The following DRICH1 variants were observed in gnomAD, a reference collection of about 807,000 sequenced individuals.
The protein encoded by DRICH1 is aspartate rich 1.
DRICH1 carries 38 observed loss-of-function variants against 39.5 expected under a neutral mutation model. The ratio of observed to expected loss-of-function variants is 0.96; its 90% CI spans 0.74 to 1.26. The LOEUF is 1.26. Among genes scored for constraint, DRICH1 ranks in the 50% most tolerant of loss-of-function variants. DRICH1 has a pLI of 0.00. For missense variants in DRICH1, 279 were observed against 270.4 expected (o/e 1.03, Z -0.22); for synonymous variants, 84 against 99.5 (o/e 0.84, Z 0.93).
intron 4 of DRICH1, among the ~76,000 whole-genome samples, chr22:23,621,732 G>A (rs1231576032): frequency 2.0e-5 from 3 of 152,068 alleles, no homozygotes; most frequent in African/African-American, 4.8e-5. Context: ...TGGCCAAAAT[G>A]GTAAAACACC....
downstream of DRICH1, among the ~76,000 whole-genome samples, chr22:23,606,309 T>C (rs967610766): frequency 3.6e-4 from 55 of 152,090 alleles, no homozygotes; most frequent in African/African-American, 1.3e-3. Context: ...GGCTTCCAGC[T>C]CCAGCTGGGA....
rs1212473766 is a variant in DRICH1, at chr22:23,631,817, T to C, written c.207A>G (p.Thr69=). Reference sequence around the variant, plus strand: ...AAACGGCACCCGTGGCTTTTTTACCTGTGGGCATCTTTTGGTTGCTGATGT... The same window carrying C: ...AAACGGCACCCGTGGCTTTTTTACCCGTGGGCATCTTTTGGTTGCTGATGT... ...LQHISNQKMP[T]GPPEDRLSLK... Residue 69 remains threonine, a splice_region_variant and synonymous_variant, in exon 1 of 12, where the codon ACA becomes ACG. Transcript: ENST00000317749. 6.2e-7 allele frequency: 1 copy of C among 1,611,910 alleles called. No homozygotes were observed. Among genetic ancestry groups the C allele is most frequent in the Non-Finnish European group, 8.5e-7 (1 of 1,179,822 alleles).
intron 1 of DRICH1, among the ~76,000 whole-genome samples, chr22:23,628,199 TG>T (rs922775648): frequency 6.6e-6 from 1 of 152,216 alleles, no homozygotes; most frequent in Admixed American, 6.5e-5. Context: ...CTGGAACTTG[TG>T]TCCCTCCCCA....
chr22:23,618,796 G>A (rs73389041), intron 6 of DRICH1, among the ~76,000 whole-genome samples: 2,046 of 152,248 alleles, frequency 0.013, 18 homozygotes, highest in African/African-American at 0.034. Flanking sequence ...CCATGAGTAC[G>A]GGGGTGATTT....
the DRICH1 span, among the ~76,000 whole-genome samples, chr22:23,587,395 T>C: frequency 2.0e-5 from 3 of 152,196 alleles, no homozygotes; most frequent in Non-Finnish European, 4.4e-5. Flanking sequence ...TCCCTGCCCT[T>C]TCCCCCAGTT....
At chr22:23,621,772 G>C (rs1384920580) in intron 4 of DRICH1, among the ~76,000 whole-genome samples, 2 of 152,076 alleles carry the variant, frequency 1.3e-5, no homozygotes, top group Non-Finnish European at 2.9e-5. Context: ...AAATTATCTG[G>C]GCATGAAGAC....
At chr22:23,630,268 G>A (rs1928313507) in intron 1 of DRICH1, among the ~76,000 whole-genome samples, 1 of 152,184 alleles carries the variant, frequency 6.6e-6, no homozygotes, top group South Asian at 2.1e-4. Flanking sequence ...CATAGGTGCT[G>A]GAACTCCCTG....
rs1927164912 is a variant in DRICH1, at chr22:23,613,492, G to A, written c.643+147C>T. The A allele has an allele frequency of 3.4e-6, 3 of 886,082 alleles. No individual in the cohort carries two copies. In the South Asian group the frequency reaches 4.1e-5, roughly 12 times the overall value. The allele number at this position is 886,082 out of a possible 1,614,324, so 54.9% of individuals were successfully genotyped here. A position where few individuals can be genotyped will look rare whatever the true frequency, so the allele number is the denominator to read the frequency against. ...TTCTGGGTCGACAAACCTTCCTACA[G>A]CTTCTCAGGCCAGAGTTCTATACTG... is the stretch of plus-strand genomic sequence containing the variant. On this transcript the variant is annotated intron_variant, in intron 10 of 11. Transcript: ENST00000317749.
In DRICH1 at chr22:23,616,951, T is replaced by C. The variant is rs369398425; in HGVS notation, c.520-77A>G. On this transcript the variant is annotated intron_variant, in intron 7 of 11. Coordinates refer to ENST00000317749, the MANE Select transcript of DRICH1 (RefSeq NM_016449.4). The stretch of plus-strand genomic sequence containing the variant: ...CCCCTTACACAGATCTGTTAGTCTC[T>C]TGATGACTTCACAAAACTATTTGTA... 5.2e-4 allele frequency: 795 copies of C among 1,534,876 alleles called. 4 individuals carry two copies. In the African/African-American group the frequency reaches 7.5e-3, roughly 14 times the overall value.
intron 8 of DRICH1, among the ~76,000 whole-genome samples, chr22:23,615,586 C>CACTCACA (rs1927308873): frequency 6.6e-6 from 1 of 152,206 alleles, no homozygotes; most frequent in South Asian, 2.1e-4. Context: ...CAATACTACA[C>CACTCACA]AGATGATCTA....
At chr22:23,590,330 T>C in the DRICH1 span, among the ~76,000 whole-genome samples, 1 of 150,292 alleles carries the variant, frequency 6.7e-6, no homozygotes, top group Middle Eastern at 3.5e-3. Context: ...CTGGCTGAAG[T>C]GCAGTGGTGT....
intron 10 of DRICH1, 85 bp downstream of exon 10, chr22:23,613,554 C>T (rs1329029861): frequency 1.8e-6 from 2 of 1,119,902 alleles, no homozygotes; most frequent in East Asian, 2.3e-5. Flanking sequence ...AGCCTCTTTC[C>T]CAGCAGGACC....
At chr22:23,589,525 A>C in the DRICH1 span, among the ~76,000 whole-genome samples, 1 of 152,060 alleles carries the variant, frequency 6.6e-6, no homozygotes, top group Admixed American at 6.6e-5. Flanking sequence ...TATAAAATAA[A>C]AAATATATAA....
the DRICH1 span, among the ~76,000 whole-genome samples, chr22:23,588,506 C>G: frequency 1.3e-5 from 2 of 152,234 alleles, no homozygotes; most frequent in Non-Finnish European, 2.9e-5. Context: ...TATTCAGAAT[C>G]TCTTCCTTCT....
chr22:23,612,193 T>G (rs1927072244), intron 11 of DRICH1, among the ~76,000 whole-genome samples: 1 of 152,070 alleles, frequency 6.6e-6, no homozygotes, highest in South Asian at 2.1e-4. Context: ...TGGCCAGGCA[T>G]GGTGATACAT....
chr22:23,586,021 G>T, the DRICH1 span, among the ~76,000 whole-genome samples: 3 of 152,252 alleles, frequency 2.0e-5, no homozygotes, highest in Admixed American at 6.5e-5. Flanking sequence ...TGTTCTATAT[G>T]TAAGTCCATT....
rs959021014 is a variant in DRICH1 at position 23,624,110 on chromosome 22, G to T, written c.298+773C>A. On this transcript the variant is annotated intron_variant, in intron 3 of 11. Coordinates refer to ENST00000317749, the MANE Select transcript of DRICH1 (RefSeq NM_016449.4). ...TCAGGGAGATGTCTTGATACCAGAG[G>T]TAAACAGCAAGCACAGACAAATGAA... 4 of 984,864 alleles carry T rather than the reference G, an allele frequency of 4.1e-6. No individual in the cohort carries two copies. The African/African-American group carries it at 7.0e-5, about 17-fold the overall frequency. 61.0% of individuals were successfully genotyped at this position (984,864 alleles called of 1,614,324 possible).
At chr22:23,609,126 G>A (rs1430223377) in intron 11 of DRICH1, among the ~76,000 whole-genome samples, 2 of 152,162 alleles carry the variant, frequency 1.3e-5, no homozygotes, top group African/African-American at 4.8e-5. Context: ...CTGTAGCCCA[G>A]AGGCACAAAC....
At chr22:23,607,789 T>G (rs753284893), downstream of DRICH1, among the ~76,000 whole-genome samples, 232 of 152,320 alleles carry the variant, frequency 1.5e-3, no homozygotes, top group Non-Finnish European at 2.1e-3. Context: ...CCAGCCTCCC[T>G]GCATCCTCCT....
Sources: allele counts gnomAD v4.1 joint callset (sites outside exome capture counted in the v4.1 genomes callset), GRCh38; gene constraint gnomAD v4.1.1; transcripts MANE v1.5; gene names NCBI Gene and HGNC (gene_info 2026-07-23, HGNC 2026-07-21).